Variants in FILIP1L observed in about 807,000 individuals in gnomAD.
FILIP1L encodes filamin A interacting protein 1 like, also known as filamin A-interacting protein 1-like.
Under a neutral mutation model 96.6 loss-of-function variants are expected in FILIP1L, and 55 were observed. That is an observed-to-expected ratio of 0.57 (90% CI 0.46 to 0.71). FILIP1L has a LOEUF of 0.71. Among genes scored for constraint, FILIP1L ranks in the 30% least tolerant of loss-of-function variants. The pLI is 0.00. For synonymous variants in FILIP1L, 467 were observed against 473.9 expected (o/e 0.99, Z 0.19); for missense variants, 1,304 against 1,321.2 (o/e 0.99, Z 0.20).
intron 1 of FILIP1L, among the ~76,000 whole-genome samples, chr3:99,978,343 T>C (rs749868176): frequency 2.8e-4 from 42 of 152,308 alleles, no homozygotes; most frequent in Middle Eastern, 3.4e-3. Context: ...GCCAGGCTTA[T>C]TGCAGCACTA....
chr3:100,088,144 T>C (rs776726471), intron 1 of FILIP1L, among the ~76,000 whole-genome samples: 2 of 152,210 alleles, frequency 1.3e-5, no homozygotes, highest in African/African-American at 2.4e-5. Context: ...ACTATAATTT[T>C]TTTAAACTAC....
intron 1 of FILIP1L, among the ~76,000 whole-genome samples, chr3:100,050,904 G>T (rs906045886): frequency 6.6e-6 from 1 of 152,184 alleles, no homozygotes; most frequent in Non-Finnish European, 1.5e-5. Context: ...TGGGAGCATG[G>T]AAGTGGCTCC....
At chr3:99,879,996 A>G (rs937867025) in intron 4 of FILIP1L, among the ~76,000 whole-genome samples, 7 of 152,088 alleles carry the variant, frequency 4.6e-5, no homozygotes, top group African/African-American at 1.7e-4. Context: ...CACCTTACCC[A>G]CAGCCTTCTT....
intron 5 of FILIP1L, among the ~76,000 whole-genome samples, chr3:99,841,749 T>C (rs1943141781): frequency 6.6e-6 from 1 of 152,180 alleles, no homozygotes; most frequent in Non-Finnish European, 1.5e-5. Context: ...ACATCACTAA[T>C]TATCAGGGAA....
At chr3:100,058,129 G>A (rs2065496978) in intron 1 of FILIP1L, among the ~76,000 whole-genome samples, 1 of 152,096 alleles carries the variant, frequency 6.6e-6, no homozygotes, top group Non-Finnish European at 1.5e-5. Flanking sequence ...CTTTCCTAGG[G>A]CTCCACATTT....
chr3:100,050,089 A>G (rs964574098), intron 1 of FILIP1L, among the ~76,000 whole-genome samples: 2 of 152,230 alleles, frequency 1.3e-5, no homozygotes, highest in South Asian at 4.1e-4. Context: ...AATCACACAG[A>G]CTCACCTGTG....
intron 1 of FILIP1L, among the ~76,000 whole-genome samples, chr3:99,942,543 G>T (rs938123742): frequency 4.6e-5 from 7 of 152,164 alleles, no homozygotes; most frequent in African/African-American, 1.7e-4. Flanking sequence ...TTAAGAAGTG[G>T]TTTCCTTGCC....
intron 1 of FILIP1L, among the ~76,000 whole-genome samples, chr3:100,050,480 T>C (rs1049574090): frequency 6.6e-6 from 1 of 152,198 alleles, no homozygotes; most frequent in Non-Finnish European, 1.5e-5. Context: ...CATAGTCATT[T>C]TCTGTTTTTT....
At chr3:99,892,512 T>C (rs971577041) in intron 4 of FILIP1L, among the ~76,000 whole-genome samples, 14 of 152,208 alleles carry the variant, frequency 9.2e-5, no homozygotes, top group African/African-American at 3.4e-4. Flanking sequence ...GTTCTAGACA[T>C]AGCATGTTGC....
intron 4 of FILIP1L, among the ~76,000 whole-genome samples, chr3:99,863,041 T>C (rs961428279): frequency 2.0e-5 from 3 of 152,208 alleles, no homozygotes; most frequent in Non-Finnish European, 4.4e-5. Context: ...ATAGACTTGG[T>C]CTACTTAGGC....
intron 1 of FILIP1L, among the ~76,000 whole-genome samples, chr3:99,960,071 C>G (rs1446336619): frequency 6.6e-6 from 1 of 152,102 alleles, no homozygotes; most frequent in Non-Finnish European, 1.5e-5. Flanking sequence ...CATTATGCCT[C>G]TCAATGTTAT....
intron 1 of FILIP1L, chr3:100,025,673 C>A (rs1371927386): frequency 6.6e-6 from 1 of 152,080 alleles, no homozygotes; most frequent in African/African-American, 2.4e-5. Context: ...GAGAAACATA[C>A]CAGGTCGTCC....
In FILIP1L at chr3:100,006,096, G is replaced by A. The variant is rs192807462; in HGVS notation, c.-10-75066C>T. On this transcript the variant is annotated intron_variant, in intron 1 of 5. Transcript: ENST00000477258. Reference sequence around the variant, plus strand: ...GCATTAGACCAGAAAGCCCTTAGCCGTAGACCTCTGGGTAAAATTTGTTGC... The same window carrying A: ...GCATTAGACCAGAAAGCCCTTAGCCATAGACCTCTGGGTAAAATTTGTTGC... Among the ~76,000 whole-genome samples the A allele has an allele frequency of 2.3e-3, 344 of 152,222 alleles. 1 individual carries two copies. The highest frequency in any genetic ancestry group is 8.0e-3 in the African/African-American group (331 of 41,532).
intron 4 of FILIP1L, among the ~76,000 whole-genome samples, chr3:99,895,697 A>T (rs1706228899): frequency 6.6e-6 from 1 of 152,122 alleles, no homozygotes; most frequent in South Asian, 2.1e-4. Context: ...ACACTTCCAC[A>T]TGTTGTCTTC....
chr3:99,889,205 G>A (rs1210685154), intron 4 of FILIP1L, among the ~76,000 whole-genome samples: 2 of 152,046 alleles, frequency 1.3e-5, no homozygotes, highest in African/African-American at 2.4e-5. Context: ...AGGATGTGCT[G>A]TACTCTCCCA....
At position 99,924,448 on chromosome 3, in the gene FILIP1L, T is replaced by A. The variant is rs550998103; in HGVS notation, c.427-40A>T. The A allele has an allele frequency of 5.1e-6, 8 of 1,560,280 alleles. No homozygotes were observed. The Admixed American group carries it at 8.6e-5, about 17-fold the overall frequency. On this transcript the variant is annotated intron_variant, in intron 3 of 5. Coordinates refer to ENST00000477258, the MANE Select transcript of FILIP1L (RefSeq NM_001387850.1). ...ATTTATAGCCTGTTACCAAATTGTT[T>A]ATATACTGTTGTCTTTCACTCTTTT... is the stretch of plus-strand genomic sequence containing the variant.
chr3:99,952,686 ACC>A (rs1274159133), intron 1 of FILIP1L, among the ~76,000 whole-genome samples: 11 of 152,318 alleles, frequency 7.2e-5, no homozygotes, highest in Non-Finnish European at 1.3e-4. Flanking sequence ...TCCTCTTTCT[ACC>A]CTATATTTTT....
chr3:100,093,225 C>T (rs2066143760), intron 1 of FILIP1L, among the ~76,000 whole-genome samples: 1 of 152,050 alleles, frequency 6.6e-6, no homozygotes, highest in Non-Finnish European at 1.5e-5. Flanking sequence ...AGTTGAGCAG[C>T]TTATGTCATT....
At chr3:99,910,884 C>CA (rs1309404108) in intron 4 of FILIP1L, among the ~76,000 whole-genome samples, 1 of 152,142 alleles carries the variant, frequency 6.6e-6, no homozygotes, top group African/African-American at 2.4e-5. Context: ...TGGCCAAAGG[C>CA]AGTTATATTC....
Sources: gnomAD v4.1 joint callset for allele counts (sites outside exome capture counted in the v4.1 genomes callset) on GRCh38, gnomAD v4.1.1 for gene constraint, MANE v1.5 for transcripts, NCBI Gene and HGNC (gene_info 2026-07-23, HGNC 2026-07-21) for gene names.